Variants in WDR47 observed in about 807,000 individuals in gnomAD.
The protein encoded by WDR47 is WD repeat-containing protein 47.
A neutral mutation model predicts 97.2 loss-of-function variants in WDR47; 32 were observed. The observed-to-expected ratio is 0.33, with a 90% CI of 0.25 to 0.44. The LOEUF (loss-of-function observed/expected upper bound fraction) is 0.44. Ranked by LOEUF, WDR47 falls within the 20% of genes least tolerant of loss-of-function variation. The pLI is 1.00. For synonymous variants in WDR47, 375 were observed against 373.5 expected (o/e 1.00, Z -0.05); for missense variants, 782 against 1,102.3 (o/e 0.71, Z 4.11).
Position 108,971,310 on chromosome 1 carries a change from A to C in WDR47, c.*120T>G. 7.4e-7 allele frequency: 1 copy of C among 1,347,430 alleles called. No individual in the cohort carries two copies. Among genetic ancestry groups the C allele is most frequent in the Non-Finnish European group, 1.0e-6 (1 of 980,760 alleles). 83.5% of individuals were successfully genotyped at this position (1,347,430 alleles called of 1,614,324 possible). On this transcript the variant is annotated 3_prime_UTR_variant, in exon 15 of 15. Coordinates refer to ENST00000369962, the MANE Select transcript of WDR47 (RefSeq NM_001142551.2). ...CCTATCAGTGGGATACATGGTAATA[A>C]GGGGCCTCTTCGTGCTAAACCACTT... is the stretch of plus-strand genomic sequence containing the variant.
In WDR47 at chr1:108,983,426, C is replaced by T. The variant is rs775356164; in HGVS notation, c.1951G>A (p.Val651Met). 2 of 1,601,992 alleles carry T rather than the reference C, an allele frequency of 1.2e-6. No homozygotes were observed. Among genetic ancestry groups the T allele is most frequent in the African/African-American group, 1.3e-5 (1 of 74,284 alleles). Reference sequence around the variant, plus strand: ...TGTTTATTCCTTTTAAAACGTACCACCGGCTGCTTAGGAGTCTCATGTGCA... The same window carrying T: ...TGTTTATTCCTTTTAAAACGTACCATCGGCTGCTTAGGAGTCTCATGTGCA... ...PSAHETPKQP[V>M]VRFKRNKHHK... Residue 651 changes from valine to methionine, a missense_variant, in exon 11 of 15, where the codon GTG becomes ATG. Coordinates refer to ENST00000369962, the MANE Select transcript of WDR47 (RefSeq NM_001142551.2).
chr1:109,037,155 C>A (rs1205674493), intron 1 of WDR47, among the ~76,000 whole-genome samples: 1 of 150,308 alleles, frequency 6.7e-6, no homozygotes, highest in Admixed American at 6.7e-5. Context: ...CATGGAGAAA[C>A]CCCGTCTCTA....
chr1:109,004,596 T>C lies in WDR47; in HGVS notation c.1250A>G (p.Asn417Ser). 6.2e-7 allele frequency: 1 copy of C among 1,610,114 alleles called. No homozygotes were observed. Among genetic ancestry groups the C allele is most frequent in the Non-Finnish European group, 8.5e-7 (1 of 1,178,602 alleles). Residue 417 changes from asparagine to serine, a missense_variant, in exon 6 of 15, where the codon AAT becomes AGT. Transcript: ENST00000369962. ...QNPGPAKQEKNELRDSTEQFQ... is the reference protein window; with the variant it reads ...QNPGPAKQEKSELRDSTEQFQ... ...ACTAGGTTTAGTAAATATTACCTCA[T>C]TTTTTTCTTGTTTAGCTGGTCCTGG...
intron 4 of WDR47, among the ~76,000 whole-genome samples, chr1:109,012,849 C>G (rs1661148230): frequency 6.6e-6 from 1 of 152,142 alleles, no homozygotes; most frequent in African/African-American, 2.4e-5. Flanking sequence ...GGTCTCCTAA[C>G]TCATGTTCCA....
chr1:108,995,332 T>C (rs1659666319), intron 8 of WDR47, among the ~76,000 whole-genome samples: 1 of 152,054 alleles, frequency 6.6e-6, no homozygotes, highest in African/African-American at 2.4e-5. Context: ...GTAGGATGGC[T>C]TATAAAAAAT....
intron 13 of WDR47, among the ~76,000 whole-genome samples, chr1:108,976,942 T>C (rs1657950081): frequency 6.6e-6 from 1 of 152,226 alleles, no homozygotes; most frequent in East Asian, 1.9e-4. Flanking sequence ...AACAAGTGTG[T>C]ACTTTAAGAT....
chr1:109,027,659 G>T (rs903521706), intron 1 of WDR47, among the ~76,000 whole-genome samples: 2 of 152,194 alleles, frequency 1.3e-5, no homozygotes, highest in African/African-American at 4.8e-5. Context: ...AAGTAGCTGG[G>T]ATCACAGGTG....
chr1:109,030,698 T>C (rs1378992861), intron 1 of WDR47, among the ~76,000 whole-genome samples: 2 of 94,414 alleles, frequency 2.1e-5, no homozygotes, highest in Non-Finnish European at 4.9e-5. Context: ...AGATGAAGTG[T>C]CATGAAGCTT....
chr1:108,982,732 C>G lies in WDR47; in HGVS notation c.2143G>C (p.Ala715Pro). ...CCGCTTTCTGGGCCTTCCATAAATG[C>G]CAAGTCTCTAATTGTTCCATCATGC... ...SMHDGTIRDL[A>P]FMEGPESGGA... The change falls in exon 12 of 15, where the codon GCA becomes CCA. Residue 715 changes from alanine to proline, a missense_variant. By Grantham distance (27) the Ala-to-Pro change is conservative (BLOSUM62 -1). Coordinates refer to ENST00000369962, the MANE Select transcript of WDR47 (RefSeq NM_001142551.2). 6.2e-7 allele frequency: 1 copy of G among 1,613,914 alleles called. No homozygotes were observed. Among genetic ancestry groups the G allele is most frequent in the Non-Finnish European group, 8.5e-7 (1 of 1,179,984 alleles).
At chr1:108,971,878 A>C (rs528674118) in intron 14 of WDR47, among the ~76,000 whole-genome samples, 17 of 151,988 alleles carry the variant, frequency 1.1e-4, no homozygotes, top group Non-Finnish European at 2.1e-4. Flanking sequence ...TTTCTTCTTG[A>C]CGTAAAGCTT....
At chr1:108,995,880 A>G (rs1295647031) in intron 7 of WDR47, 43 bp from the exon 8 acceptor site, 4 of 1,579,466 alleles carry the variant, frequency 2.5e-6, no homozygotes, top group Non-Finnish European at 3.5e-6. Context: ...TAAAAACTTA[A>G]TTGCATTCCT....
intron 1 of WDR47, chr1:109,030,015 G>T (rs900678084): frequency 7.3e-6 from 3 of 409,826 alleles, no homozygotes; most frequent in Non-Finnish European, 1.3e-5. Flanking sequence ...AAGCAGATAT[G>T]ATTTAATTAA....
chr1:109,015,229 GAT>G (rs1661330537), intron 3 of WDR47, among the ~76,000 whole-genome samples: 2 of 152,178 alleles, frequency 1.3e-5, no homozygotes. Flanking sequence ...TTCTGATAGT[GAT>G]AGAGTAACTT....
At chr1:109,033,137 T>C (rs977056386) in intron 1 of WDR47, among the ~76,000 whole-genome samples, 3 of 151,212 alleles carry the variant, frequency 2.0e-5, no homozygotes, top group Non-Finnish European at 4.4e-5. Context: ...CTACTAAAAA[T>C]ACAAAAATTA....
At chr1:109,004,851 C>T (rs527753032) in intron 5 of WDR47, 136 bp from the exon 6 acceptor site, 38 of 1,076,116 alleles carry the variant, frequency 3.5e-5, no homozygotes, top group Non-Finnish European at 4.3e-5. Context: ...ACTGGAGTGA[C>T]GCAATCTCCG....
chr1:109,004,002 A>C (rs951242679), intron 6 of WDR47, among the ~76,000 whole-genome samples: 1 of 152,076 alleles, frequency 6.6e-6, no homozygotes, highest in African/African-American at 2.4e-5. Context: ...CGGTGGCTCA[A>C]GCCTGTAATC....
intron 9 of WDR47, among the ~76,000 whole-genome samples, chr1:108,989,782 C>T (rs1204565628): frequency 4.6e-5 from 7 of 152,148 alleles, no homozygotes; most frequent in Non-Finnish European, 8.8e-5. Context: ...GCAACCTCTG[C>T]CTCCCAGGTT....
chr1:108,998,560 G>C (rs188029539), intron 7 of WDR47, among the ~76,000 whole-genome samples: 1 of 152,192 alleles, frequency 6.6e-6, no homozygotes, highest in Admixed American at 6.5e-5. Context: ...GGGCTGGGAT[G>C]GGGAAGAGGC....
chr1:109,003,691 G>A (rs924115445), intron 6 of WDR47, among the ~76,000 whole-genome samples: 1 of 152,062 alleles, frequency 6.6e-6, no homozygotes, highest in African/African-American at 2.4e-5. Context: ...TTTTAGTAGA[G>A]ATGGGGTTTC....
Sources: gnomAD v4.1 joint callset for allele counts (sites outside exome capture counted in the v4.1 genomes callset) on GRCh38, gnomAD v4.1.1 for gene constraint, MANE v1.5 for transcripts, NCBI Gene and HGNC (gene_info 2026-07-23, HGNC 2026-07-21) for gene names.